The following AMBRA1 variants were observed in gnomAD, a reference collection of about 807,000 sequenced individuals.
AMBRA1 encodes the protein autophagy and beclin 1 regulator 1, also known as activating molecule in BECN1-regulated autophagy protein 1.
Under a neutral mutation model 125.4 loss-of-function variants are expected in AMBRA1, and 47 were observed. The observed-to-expected ratio is 0.37, with a 90% CI of 0.30 to 0.48. The LOEUF (loss-of-function observed/expected upper bound fraction) is 0.48, where lower values mean the gene tolerates loss of function less well. AMBRA1 is among the 20% of genes least tolerant of loss of function. The pLI, the probability that AMBRA1 is intolerant of heterozygous loss-of-function variation, is 0.99. For synonymous variants in AMBRA1, 626 were observed against 655.5 expected, an observed-to-expected ratio of 0.95 and a Z score of 0.69; for missense variants, 1,331 against 1,693.4, an observed-to-expected ratio of 0.79 and a Z score of 3.76.
chr11:46,558,781 T>C (rs1185353997), intron 1 of AMBRA1, among the ~76,000 whole-genome samples: 2 of 152,180 alleles, frequency 1.3e-5, no homozygotes, highest in African/African-American at 4.8e-5. Context: ...CTAAGTAGAT[T>C]ATAAACTCTG....
In AMBRA1 at chr11:46,527,057, T is replaced by G. The variant is rs371775634; in HGVS notation, c.2073-14244A>C. On this transcript the variant is annotated intron_variant, in intron 7 of 17. Transcript: ENST00000683756. ...GGGTCAATGTTCATTTAGAAAGACTTGCACTCTCTCCTATCTCAAGGCTCT... is the reference window on the plus strand; with the variant it reads ...GGGTCAATGTTCATTTAGAAAGACTGGCACTCTCTCCTATCTCAAGGCTCT... Among the ~76,000 whole-genome samples the G allele has an allele frequency of 6.6e-5, 10 of 152,328 alleles. No individual in the cohort carries two copies. The East Asian group carries it at 1.7e-3, about 26-fold the overall frequency.
intron 15 of AMBRA1, among the ~76,000 whole-genome samples, chr11:46,415,763 T>C (rs1262387536): frequency 6.6e-6 from 1 of 152,222 alleles, no homozygotes; most frequent in African/African-American, 2.4e-5. Flanking sequence ...CCAGTGCTAA[T>C]GCCATCTTAC....
At chr11:46,457,450 G>A (rs1948899022) in intron 11 of AMBRA1, among the ~76,000 whole-genome samples, 1 of 152,316 alleles carries the variant, frequency 6.6e-6, no homozygotes, top group Middle Eastern at 3.4e-3. Flanking sequence ...TCTTGAGGGT[G>A]TTCCACAACT....
At chr11:46,462,641 G>T (rs1949145317) in intron 11 of AMBRA1, among the ~76,000 whole-genome samples, 1 of 151,664 alleles carries the variant, frequency 6.6e-6, no homozygotes, top group Non-Finnish European at 1.5e-5. Flanking sequence ...TAAACCTTCT[G>T]CTCATACTGC....
At chr11:46,567,651 G>C (rs995908183) in intron 1 of AMBRA1, among the ~76,000 whole-genome samples, 1 of 150,116 alleles carries the variant, frequency 6.7e-6, no homozygotes, top group Non-Finnish European at 1.5e-5. Context: ...GTGAGCCACC[G>C]TGCCCAGCCT....
chr11:46,415,027 T>C (rs1946472664), intron 15 of AMBRA1, among the ~76,000 whole-genome samples: 1 of 152,072 alleles, frequency 6.6e-6, no homozygotes, highest in African/African-American at 2.4e-5. Flanking sequence ...TGCCTGTGCC[T>C]GGGACAAAGG....
Position 46,530,762 on chromosome 11 carries a change from T to C in AMBRA1, c.2072+11183A>G, listed in dbSNP as rs140929886. ...GCGGGCCAAAACCAGCTATGAATGGTTTTCATATTTTTAAATGATTGAAAA... is the reference window on the plus strand; with the variant it reads ...GCGGGCCAAAACCAGCTATGAATGGCTTTCATATTTTTAAATGATTGAAAA... On this transcript the variant is annotated intron_variant, in intron 7 of 17. Transcript: ENST00000683756. 5.8e-3 allele frequency among the ~76,000 whole-genome samples: 885 copies of C among 152,276 alleles called. 9 individuals carry two copies. The highest frequency in any genetic ancestry group is 0.014 in the African/African-American group (569 of 41,552).
At chr11:46,525,952 T>C (rs1187536515) in intron 7 of AMBRA1, among the ~76,000 whole-genome samples, 1 of 151,670 alleles carries the variant, frequency 6.6e-6, no homozygotes, top group East Asian at 2.0e-4. Flanking sequence ...ACACCTGTAA[T>C]TTCAGCACTT....
At chr11:46,459,231 C>T (rs752004951) in intron 11 of AMBRA1, among the ~76,000 whole-genome samples, 2 of 152,050 alleles carry the variant, frequency 1.3e-5, no homozygotes, top group African/African-American at 2.4e-5. Context: ...TATAAATATA[C>T]GTATGTTTTT....
chr11:46,577,899 G>A (rs1020148564), intron 1 of AMBRA1, among the ~76,000 whole-genome samples: 1 of 151,936 alleles, frequency 6.6e-6, no homozygotes, highest in African/African-American at 2.4e-5. Context: ...GCAGTGAGCC[G>A]ATATAGCACC....
chr11:46,568,989 T>C (rs1270715761), intron 1 of AMBRA1, among the ~76,000 whole-genome samples: 1 of 151,530 alleles, frequency 6.6e-6, no homozygotes, highest in Non-Finnish European at 1.5e-5. Context: ...GTATTTTTAG[T>C]AGAGACAGGG....
rs138647850 is a variant in AMBRA1, at chr11:46,547,684, G to A, written c.194+133C>T. 4.1e-4 allele frequency: 346 copies of A among 837,908 alleles called. 1 individual carries two copies. The East Asian group carries it at 8.1e-3, about 20-fold the overall frequency. 51.9% of individuals were successfully genotyped at this position (837,908 alleles called of 1,614,324 possible). A position where few individuals can be genotyped will look rare whatever the true frequency, so the allele number is the denominator to read the frequency against. On this transcript the variant is annotated intron_variant, in intron 3 of 17. Coordinates refer to ENST00000683756, the MANE Select transcript of AMBRA1 (RefSeq NM_001387011.1). ...GCTCATCTACTTTCTTTCCCTTTCCGACACGGGGCCAAAGTGCTGTTCATA... is the reference window on the plus strand; with the variant it reads ...GCTCATCTACTTTCTTTCCCTTTCCAACACGGGGCCAAAGTGCTGTTCATA...
At chr11:46,528,898 G>A (rs1275510407) in intron 7 of AMBRA1, among the ~76,000 whole-genome samples, 1 of 152,172 alleles carries the variant, frequency 6.6e-6, no homozygotes, top group Non-Finnish European at 1.5e-5. Context: ...TAGAAGCTGG[G>A]CTACCTCTGT....
At chr11:46,545,846 A>G in intron 4 of AMBRA1, 70 bp from the exon 5 acceptor site, 1 of 1,498,644 alleles carries the variant, frequency 6.7e-7, no homozygotes, top group Non-Finnish European at 9.2e-7. Context: ...CAATTTCAAG[A>G]AAGGTCCATT....
At chr11:46,559,193 G>A (rs557445999) in intron 1 of AMBRA1, among the ~76,000 whole-genome samples, 40 of 152,040 alleles carry the variant, frequency 2.6e-4, no homozygotes, top group African/African-American at 8.9e-4. Flanking sequence ...CCAGCTACTC[G>A]GGAGACTGAG....
At chr11:46,485,760 A>G (rs779627741) in intron 11 of AMBRA1, among the ~76,000 whole-genome samples, 3 of 152,194 alleles carry the variant, frequency 2.0e-5, no homozygotes, top group Non-Finnish European at 4.4e-5. Context: ...AAACTTACAC[A>G]TATAAAAGGA....
At chr11:46,555,112 A>G (rs886686942) in intron 1 of AMBRA1, among the ~76,000 whole-genome samples, 8 of 152,106 alleles carry the variant, frequency 5.3e-5, no homozygotes, top group African/African-American at 1.9e-4. Flanking sequence ...AAATGCCAAG[A>G]TTCCATCCCA....
At chr11:46,508,666 AAGGTAC>A (rs972796433) in intron 8 of AMBRA1, among the ~76,000 whole-genome samples, 3 of 152,194 alleles carry the variant, frequency 2.0e-5, no homozygotes, top group African/African-American at 7.2e-5. Context: ...CTAGCTTCTG[AAGGTAC>A]ACTTTTAGCT....
intron 1 of AMBRA1, among the ~76,000 whole-genome samples, chr11:46,571,366 CA>C: frequency 6.6e-6 from 1 of 152,250 alleles, no homozygotes; most frequent in African/African-American, 2.4e-5. Context: ...ACTTAGGGAT[CA>C]TTTTGAACAT....
Sources: gnomAD v4.1 joint callset for allele counts (sites outside exome capture counted in the v4.1 genomes callset) on GRCh38, gnomAD v4.1.1 for gene constraint, MANE v1.5 for transcripts, NCBI Gene and HGNC (gene_info 2026-07-23, HGNC 2026-07-21) for gene names.